RALGAPA2: variants seen among roughly 807,000 people sequenced by gnomAD.
The protein encoded by RALGAPA2 is Ral GTPase activating protein catalytic subunit alpha 2.
A neutral mutation model predicts 230.4 loss-of-function variants in RALGAPA2; 139 were observed. The ratio of observed to expected loss-of-function variants is 0.60; its 90% CI spans 0.53 to 0.69. RALGAPA2 has a LOEUF of 0.69. Ranked by LOEUF, RALGAPA2 falls within the 30% of genes least tolerant of loss-of-function variation. The pLI is 0.00. For missense variants in RALGAPA2, 2,163 were observed against 2,276.0 expected (o/e 0.95, Z 1.01); for synonymous variants, 847 against 837.8 (o/e 1.01, Z -0.19).
At chr20:20,404,830 C>T (rs531668436) in intron 38 of RALGAPA2, among the ~76,000 whole-genome samples, 9 of 152,238 alleles carry the variant, frequency 5.9e-5, no homozygotes, top group Non-Finnish European at 8.8e-5. Context: ...ACAGAAAAAC[C>T]GCACCTTCAG....
At chr20:20,518,478 C>T (rs2062941635) in intron 31 of RALGAPA2, among the ~76,000 whole-genome samples, 1 of 152,156 alleles carries the variant, frequency 6.6e-6, no homozygotes, top group Non-Finnish European at 1.5e-5. Context: ...TTTATTTTTC[C>T]TTTTCACTTT....
At chr20:20,524,385 C>T (rs1213931364) in intron 30 of RALGAPA2, 21 bp downstream of exon 30, 25 of 1,613,278 alleles carry the variant, frequency 1.5e-5, no homozygotes, top group Non-Finnish European at 2.1e-5. Context: ...TCCATTCCCC[C>T]AGGCCCAGGT....
At chr20:20,603,062 C>G (rs2065708557) in intron 15 of RALGAPA2, among the ~76,000 whole-genome samples, 1 of 152,198 alleles carries the variant, frequency 6.6e-6, no homozygotes, top group Non-Finnish European at 1.5e-5. Context: ...TCAGAGCTGT[C>G]AGAGAGGACT....
chr20:20,562,235 A>G (rs1343771930), intron 23 of RALGAPA2, among the ~76,000 whole-genome samples: 1 of 151,646 alleles, frequency 6.6e-6, no homozygotes, highest in Admixed American at 6.6e-5. Context: ...CTGAGCATCT[A>G]CCCTCTCTGG....
At chr20:20,501,646 C>T (rs956960882) in intron 35 of RALGAPA2, among the ~76,000 whole-genome samples, 2 of 152,216 alleles carry the variant, frequency 1.3e-5, no homozygotes, top group African/African-American at 4.8e-5. Context: ...TGGAGTAGCA[C>T]TTTTAATTTC....
chr20:20,415,630 T>C (rs1236563470), intron 37 of RALGAPA2, among the ~76,000 whole-genome samples: 1 of 151,942 alleles, frequency 6.6e-6, no homozygotes, highest in East Asian at 1.9e-4. Context: ...GACAGGCCTG[T>C]AGTCCCAGTG....
chr20:20,489,194 C>T (rs750094036), intron 36 of RALGAPA2, among the ~76,000 whole-genome samples: 1 of 152,144 alleles, frequency 6.6e-6, no homozygotes, highest in East Asian at 1.9e-4. Context: ...GTCTACAGCA[C>T]AGAGGAAGCA....
chr20:20,549,716 G>T (rs971466963), intron 23 of RALGAPA2, among the ~76,000 whole-genome samples: 1 of 152,088 alleles, frequency 6.6e-6, no homozygotes, highest in Non-Finnish European at 1.5e-5. Flanking sequence ...TCAATAGTGG[G>T]ACATCCACAA....
chr20:20,486,937 C>A (rs547261481), intron 36 of RALGAPA2, among the ~76,000 whole-genome samples: 1 of 152,276 alleles, frequency 6.6e-6, no homozygotes, highest in East Asian at 1.9e-4. Context: ...TCTTGGAGTG[C>A]CTATCTCTCT....
Position 20,552,495 on chromosome 20 carries a change from T to C in RALGAPA2, c.3157-5663A>G, listed in dbSNP as rs866775587. Among the ~76,000 whole-genome samples the C allele has an allele frequency of 6.6e-5, 10 of 152,224 alleles. 1 individual carries two copies. The South Asian group carries it at 2.1e-3, about 32-fold the overall frequency. On this transcript the variant is annotated intron_variant, in intron 23 of 39. Transcript: ENST00000202677. ...CCTGTCTTTTACCTAGGAAATTCTA[T>C]AGGAAGCTCTTTTATTTGGTAAAGA...
rs185939435 is a variant in RALGAPA2 at position 20,605,431 on chromosome 20, C to T, written c.1801-19G>A. On this transcript the variant is annotated intron_variant, in intron 14 of 39. Coordinates refer to ENST00000202677, the MANE Select transcript of RALGAPA2 (RefSeq NM_020343.4). ...TGAGCGTCTAAAACCAACCAACCAA[C>T]AAGAGAATTCACACATCTTCATTTG... is the stretch of plus-strand genomic sequence containing the variant. The T allele has an allele frequency of 6.5e-7, 1 of 1,538,812 alleles. No individual in the cohort carries two copies. Among genetic ancestry groups the T allele is most frequent in the Non-Finnish European group, 9.0e-7 (1 of 1,114,310 alleles).
chr20:20,394,665 C>T (rs2059670335), intron 39 of RALGAPA2, among the ~76,000 whole-genome samples: 1 of 151,704 alleles, frequency 6.6e-6, no homozygotes, highest in South Asian at 2.1e-4. Flanking sequence ...AACCTCAGAA[C>T]ACAAAAACAG....
intron 20 of RALGAPA2, among the ~76,000 whole-genome samples, chr20:20,582,161 A>AAT (rs2065004738): frequency 6.8e-6 from 1 of 146,066 alleles, no homozygotes; most frequent in Non-Finnish European, 1.5e-5. Flanking sequence ...AGTGTCACAC[A>AAT]GTGTGTGTGT....
chr20:20,497,539 C>T (rs944116914), intron 35 of RALGAPA2, among the ~76,000 whole-genome samples: 1 of 152,222 alleles, frequency 6.6e-6, no homozygotes, highest in Non-Finnish European at 1.5e-5. Context: ...CTCAAACGTG[C>T]TGCCACCACC....
intron 24 of RALGAPA2, among the ~76,000 whole-genome samples, chr20:20,542,543 T>C (rs753744606): frequency 1.4e-3 from 207 of 152,238 alleles, no homozygotes; most frequent in African/African-American, 4.0e-3. Flanking sequence ...AACAGCATGG[T>C]ACTGGTACCA....
intron 1 of RALGAPA2, among the ~76,000 whole-genome samples, chr20:20,702,333 G>A (rs1300065682): frequency 6.6e-6 from 1 of 152,138 alleles, no homozygotes; most frequent in Non-Finnish European, 1.5e-5. Context: ...GAGATTTATT[G>A]GGGTAAATGC....
intron 36 of RALGAPA2, among the ~76,000 whole-genome samples, chr20:20,493,594 C>A (rs2062123451): frequency 6.6e-6 from 1 of 152,092 alleles, no homozygotes; most frequent in Non-Finnish European, 1.5e-5. Flanking sequence ...ATTTTTAGGA[C>A]ATTAAATGAC....
Position 20,601,675 on chromosome 20 carries a change from T to C in RALGAPA2, c.2203+7A>G. 1.2e-6 allele frequency: 2 copies of C among 1,609,650 alleles called. No individual in the cohort carries two copies. Among genetic ancestry groups the C allele is most frequent in the Non-Finnish European group, 8.5e-7 (1 of 1,178,294 alleles). ...GATTTTTGAGAAGCATTTAAATAAA[T>C]GTTTACCAGTTGCTTTTTGGCGAAC... On this transcript the variant is annotated splice_region_variant and intron_variant, in intron 16 of 39. Coordinates refer to ENST00000202677, the MANE Select transcript of RALGAPA2 (RefSeq NM_020343.4).
intron 33 of RALGAPA2, among the ~76,000 whole-genome samples, chr20:20,508,442 T>C (rs1467053860): frequency 6.6e-6 from 1 of 152,164 alleles, no homozygotes; most frequent in Admixed American, 6.5e-5. Context: ...TGCTGTCACA[T>C]GAAAAAGCCA....
Sources: allele counts gnomAD v4.1 joint callset (sites outside exome capture counted in the v4.1 genomes callset), GRCh38; gene constraint gnomAD v4.1.1; transcripts MANE v1.5; gene names NCBI Gene and HGNC (gene_info 2026-07-23, HGNC 2026-07-21).